Variants in SPTBN1 observed in about 807,000 individuals in gnomAD.
SPTBN1 encodes spectrin beta, non-erythrocytic 1.
Under a neutral mutation model 266.4 loss-of-function variants are expected in SPTBN1, and 32 were observed. The observed-to-expected ratio is 0.12, with a 90% CI of 0.09 to 0.16. The LOEUF (loss-of-function observed/expected upper bound fraction) is 0.16, where lower values mean the gene tolerates loss of function less well. Ranked by LOEUF, SPTBN1 falls within the 10% of genes least tolerant of loss-of-function variation. The probability of loss-of-function intolerance (pLI) is 1.00; values close to 1 mark genes in which losing one functional copy is unlikely to be tolerated. For synonymous variants in SPTBN1, 1,336 were observed against 1,162.2 expected, an observed-to-expected ratio of 1.15 and a Z score of -3.04; for missense variants, 2,296 against 3,067.1, an observed-to-expected ratio of 0.75 and a Z score of 5.94.
At chr2:54,581,048 C>T (rs924717691) in intron 2 of SPTBN1, among the ~76,000 whole-genome samples, 1 of 151,282 alleles carries the variant, frequency 6.6e-6, no homozygotes, top group Non-Finnish European at 1.5e-5. Flanking sequence ...CAGTGAGCCA[C>T]GATCACGCCA....
At chr2:54,541,146 G>C (rs1435438705) in intron 2 of SPTBN1, among the ~76,000 whole-genome samples, 1 of 152,162 alleles carries the variant, frequency 6.6e-6, no homozygotes, top group African/African-American at 2.4e-5. Context: ...TGGATTGCCA[G>C]TCCCAAAGCT....
At chr2:54,470,743 G>A (rs1383110031) in intron 1 of SPTBN1, among the ~76,000 whole-genome samples, 2 of 152,202 alleles carry the variant, frequency 1.3e-5, no homozygotes, top group African/African-American at 2.4e-5. Flanking sequence ...AGAGGCTGAC[G>A]TGGGAGGATC....
chr2:54,545,783 T>C (rs1672201353), intron 2 of SPTBN1, among the ~76,000 whole-genome samples: 1 of 152,092 alleles, frequency 6.6e-6, no homozygotes, highest in Admixed American at 6.5e-5. Context: ...GTGGGCTGGA[T>C]GGATTCTGAG....
intron 2 of SPTBN1, among the ~76,000 whole-genome samples, chr2:54,563,626 CG>C (rs1479503437): frequency 1.4e-5 from 1 of 70,192 alleles, no homozygotes; most frequent in East Asian, 4.9e-4. Flanking sequence ...TTTTTTGAGA[CG>C]GGGTCTCACC....
At chr2:54,476,518 T>C (rs573278239) in intron 1 of SPTBN1, among the ~76,000 whole-genome samples, 1 of 152,324 alleles carries the variant, frequency 6.6e-6, no homozygotes, top group Admixed American at 6.5e-5. Context: ...TAGGCCTCTT[T>C]AGTGAAGGTC....
chr2:54,621,319 C>G lies in SPTBN1; in HGVS notation c.764-81C>G, dbSNP rs535688511. On this transcript the variant is annotated intron_variant, in intron 7 of 35. Coordinates refer to ENST00000356805, the MANE Select transcript of SPTBN1 (RefSeq NM_003128.3). ...CGCTGAACTGTTCCATGTTGACCAG[C>G]AGTCGTTGCATTTGTTCCTGCTACC... is the stretch of plus-strand genomic sequence containing the variant. The G allele has an allele frequency of 1.0e-4, 95 of 939,432 alleles. No individual in the cohort carries two copies. In the South Asian group the frequency reaches 1.4e-3, roughly 14 times the overall value. 58.2% of individuals were successfully genotyped at this position (939,432 alleles called of 1,614,324 possible).
At chr2:54,468,328 T>C (rs975472938) in intron 1 of SPTBN1, among the ~76,000 whole-genome samples, 1 of 148,954 alleles carries the variant, frequency 6.7e-6, no homozygotes, top group African/African-American at 2.4e-5. Flanking sequence ...AATAAAAAAA[T>C]AAAAAATAAA....
intron 1 of SPTBN1, among the ~76,000 whole-genome samples, chr2:54,492,624 C>T (rs934764358): frequency 1.4e-4 from 21 of 152,242 alleles, no homozygotes; most frequent in African/African-American, 4.8e-4. Flanking sequence ...TTGGTTTTTA[C>T]TGAAAAGGTT....
At chr2:54,460,241 A>G (rs988594299) in intron 1 of SPTBN1, among the ~76,000 whole-genome samples, 12 of 152,224 alleles carry the variant, frequency 7.9e-5, no homozygotes, top group African/African-American at 2.7e-4. Context: ...AGGGACCTCA[A>G]TATCAAAAGT....
chr2:54,487,170 C>CTTTTTTTTTTTTTTTTTTTTT (rs34779689), intron 1 of SPTBN1, among the ~76,000 whole-genome samples: 1 of 98,586 alleles, frequency 1.0e-5, no homozygotes, highest in African/African-American at 4.3e-5. Context: ...ATTAGGATTT[C>CTTTTTTTTTTTTTTTTTTTTT]TTTTTTTTTT....
In SPTBN1 at chr2:54,559,086, G is replaced by GT. The variant is rs76110768; in HGVS notation, c.148+32521dup. ...AGAAGAGCTACCATTTGGAGTCCCTGTCTCTCCAGCACCTTTTTGGCTTTC... is the reference window on the plus strand; with the variant it reads ...AGAAGAGCTACCATTTGGAGTCCCTGTTCTCTCCAGCACCTTTTTGGCTTTC... On this transcript the variant is annotated intron_variant, in intron 2 of 35. Coordinates refer to ENST00000356805, the MANE Select transcript of SPTBN1 (RefSeq NM_003128.3). Among the ~76,000 whole-genome samples the GT allele has an allele frequency of 4.8e-3, 730 of 152,306 alleles. 10 individuals carry two copies. Among genetic ancestry groups the GT allele is most frequent in the East Asian group, 0.02 (102 of 5,188 alleles).
At chr2:54,549,212 C>T (rs1009225327) in intron 2 of SPTBN1, among the ~76,000 whole-genome samples, 2 of 151,352 alleles carry the variant, frequency 1.3e-5, no homozygotes, top group African/African-American at 4.9e-5. Flanking sequence ...TCGCTTGAAC[C>T]CTGGAAGCAG....
intron 3 of SPTBN1, among the ~76,000 whole-genome samples, chr2:54,610,965 T>A (rs1291393845): frequency 1.3e-5 from 2 of 152,232 alleles, no homozygotes; most frequent in Non-Finnish European, 2.9e-5. Context: ...AAGTAGGCAC[T>A]CAACAATACT....
chr2:54,597,983 T>C lies in SPTBN1; in HGVS notation c.149-1109T>C, dbSNP rs527608863. On this transcript the variant is annotated intron_variant, in intron 2 of 35. Coordinates refer to ENST00000356805, the MANE Select transcript of SPTBN1 (RefSeq NM_003128.3). ...AAATTCATGCTGGTGGAACTAGATA[T>C]AGTGTATGTAACATAGAGAACAGAG... 7.3e-5 allele frequency among the ~76,000 whole-genome samples: 11 copies of C among 150,486 alleles called. No individual in the cohort carries two copies. The South Asian group carries it at 1.5e-3, about 20-fold the overall frequency.
chr2:54,513,883 C>A (rs4671222), intron 1 of SPTBN1, among the ~76,000 whole-genome samples: 119,475 of 152,134 alleles, frequency 0.79, 47,166 homozygotes, highest in African/African-American at 0.87. Flanking sequence ...AGATTTGTAA[C>A]TGAACATTGG....
At position 54,653,934 on chromosome 2, in the gene SPTBN1, C is replaced by G. The variant is rs1680476688; in HGVS notation, c.5822+81C>G. ...GAGTCTTCCAGAGAGAAGCAGGAGC[C>G]TTGAAAGCGTTCCTGCCTGAGCGCT... On this transcript the variant is annotated intron_variant, in intron 27 of 35. Coordinates refer to ENST00000356805, the MANE Select transcript of SPTBN1 (RefSeq NM_003128.3). The surrounding 1 kb of genome is among the most constrained non-coding windows in gnomAD (Gnocchi z 5.1). The G allele has an allele frequency of 2.6e-6, 4 of 1,558,820 alleles. No individual in the cohort carries two copies. The East Asian group carries it at 9.1e-5, about 35-fold the overall frequency.
intron 1 of SPTBN1, among the ~76,000 whole-genome samples, chr2:54,490,841 C>T (rs750631838): frequency 2.0e-5 from 3 of 151,984 alleles, no homozygotes; most frequent in Non-Finnish European, 4.4e-5. Context: ...AGGCAGAAAG[C>T]CAGGGAGAGA....
At chr2:54,616,104 A>G (rs982655755) in intron 4 of SPTBN1, 103 bp from the exon 5 acceptor site, 4 of 915,598 alleles carry the variant, frequency 4.4e-6, no homozygotes, top group East Asian at 5.5e-5. Flanking sequence ...GGGCAAGGCT[A>G]TGATCTACAG....
chr2:54,548,772 A>C (rs1672394960), intron 2 of SPTBN1, among the ~76,000 whole-genome samples: 1 of 152,136 alleles, frequency 6.6e-6, no homozygotes, highest in Non-Finnish European at 1.5e-5. Flanking sequence ...GAATTTTTAA[A>C]AGGAACTTCT....
Sources: allele counts gnomAD v4.1 joint callset (sites outside exome capture counted in the v4.1 genomes callset), GRCh38; gene constraint gnomAD v4.1.1; non-coding constraint Gnocchi (gnomAD v3.1); transcripts MANE v1.5; gene names NCBI Gene and HGNC (gene_info 2026-07-23, HGNC 2026-07-21).